Variants in SFTPC observed in about 807,000 individuals in gnomAD.
SFTPC encodes BRICHOS domain containing 6.
In SFTPC, 12 loss-of-function variants were observed where a neutral mutation model predicts 19.9. The ratio of observed to expected loss-of-function variants is 0.60; its 90% CI spans 0.39 to 0.98. The LOEUF (loss-of-function observed/expected upper bound fraction) is 0.98, where lower values mean the gene tolerates loss of function less well. Among genes scored for constraint, SFTPC ranks in the 50% least tolerant of loss-of-function variants. The pLI, the probability that SFTPC is intolerant of heterozygous loss-of-function variation, is 0.00. For synonymous variants in SFTPC, 123 were observed against 103.3 expected (o/e 1.19, Z -1.16); for missense variants, 219 against 252.2 (o/e 0.87, Z 0.89).
At chr8:22,158,202 A>G (rs1459521190), upstream of SFTPC, among the ~76,000 whole-genome samples, 2 of 152,084 alleles carry the variant, frequency 1.3e-5, no homozygotes, top group Non-Finnish European at 2.9e-5. Flanking sequence ...CTGTCCCCAG[A>G]CTCTGCCAGC....
At chr8:22,158,237 A>G (rs1227745332), upstream of SFTPC, among the ~76,000 whole-genome samples, 1 of 152,206 alleles carries the variant, frequency 6.6e-6, no homozygotes, top group Non-Finnish European at 1.5e-5. Context: ...TCTGAGCTTA[A>G]GTTGTGTTCT....
At chr8:22,161,341 TCA>T (rs2131810133), upstream of SFTPC, among the ~76,000 whole-genome samples, 1 of 152,316 alleles carries the variant, frequency 6.6e-6, no homozygotes, top group South Asian at 2.1e-4. Flanking sequence ...CAGAGTCCTC[TCA>T]GAGTCTACAG....
chr8:22,159,686 C>A (rs536140888), upstream of SFTPC: 1 of 856,128 alleles, frequency 1.2e-6, no homozygotes, highest in Non-Finnish European at 1.7e-6. Context: ...GAAAGAGATC[C>A]CTCTCCCAGC....
At chr8:22,159,471 C>T, upstream of SFTPC, 1 of 327,854 alleles carries the variant, frequency 3.1e-6, no homozygotes, top group Non-Finnish European at 6.0e-6. Context: ...TCTCCTTCTC[C>T]AAGGAACCCA....
At chr8:22,158,754 G>T (rs893125608), upstream of SFTPC, 5 of 152,216 alleles carry the variant, frequency 3.3e-5, no homozygotes, top group Admixed American at 2.0e-4. Context: ...GACTCACGCT[G>T]GGTCCCAGAG....
At position 22,164,247 on chromosome 8, in the gene SFTPC, A is replaced by G. The variant is rs1369614842; in HGVS notation, c.*19-19A>G. ...CCCTGATTCTCTCTGTCCATCCTCA[A>G]CATTCCTTTGCTTCACAGGGTCAGT... is the stretch of plus-strand genomic sequence containing the variant. On this transcript the variant is annotated intron_variant, in intron 5 of 5. Transcript: ENST00000679463. 2 of 1,536,100 alleles carry G rather than the reference A, an allele frequency of 1.3e-6. No homozygotes were observed. The highest frequency in any genetic ancestry group is 1.7e-6 in the Non-Finnish European group (2 of 1,146,884).
intron 2 of SFTPC, 148 bp from the exon 3 acceptor site, chr8:22,162,932 C>G: frequency 7.5e-7 from 1 of 1,340,942 alleles, no homozygotes; most frequent in Non-Finnish European, 1.1e-6. Context: ...GGACAGCCAG[C>G]TCCCTCCAGC....
At position 22,164,257 on chromosome 8, in the gene SFTPC, G is replaced by A; in HGVS notation, c.*19-9G>A. ...CTCTGTCCATCCTCAACATTCCTTT[G>A]CTTCACAGGGTCAGTGGAAGCCCCA... is the stretch of plus-strand genomic sequence containing the variant. On this transcript the variant is annotated splice_polypyrimidine_tract_variant and intron_variant, in intron 5 of 5. Transcript: ENST00000679463. 5 of 1,536,172 alleles carry A rather than the reference G, an allele frequency of 3.3e-6. No homozygotes were observed. The highest frequency in any genetic ancestry group is 2.4e-5 in the East Asian group (1 of 40,916).
chr8:22,159,835 C>A (rs1456209241), upstream of SFTPC: 1 of 1,289,490 alleles, frequency 7.8e-7, no homozygotes, highest in Admixed American at 2.3e-5. Context: ...CAGCTGCCCA[C>A]CTGGCTCAGG....
At chr8:22,163,725 G>A (rs1486937154) in intron 4 of SFTPC, 176 bp from the exon 5 acceptor site, 1 of 808,632 alleles carries the variant, frequency 1.2e-6, no homozygotes, top group South Asian at 1.4e-5. Flanking sequence ...CCAAGCTGCT[G>A]GGCTCAGCTG....
intron 3 of SFTPC, 87 bp from the exon 4 acceptor site, chr8:22,163,349 C>A (rs1360181854): frequency 2.0e-6 from 3 of 1,501,972 alleles, no homozygotes; most frequent in Middle Eastern, 1.7e-4. Flanking sequence ...ACTCCCGTGC[C>A]CAACCTAGAG....
chr8:22,159,601 A>C (rs574392480), upstream of SFTPC: 1 of 402,378 alleles, frequency 2.5e-6, no homozygotes, highest in East Asian at 7.3e-5. Flanking sequence ...GCCGCCACAG[A>C]GCTTGTGACA....
chr8:22,162,981 A>G (rs1346328955), intron 2 of SFTPC, 99 bp from the exon 3 acceptor site: 1 of 1,546,046 alleles, frequency 6.5e-7, no homozygotes, highest in Non-Finnish European at 8.8e-7. Context: ...CTTGGGAAAG[A>G]GGGAAGCGCA....
At chr8:22,161,484 G>A (rs1827716405), upstream of SFTPC, among the ~76,000 whole-genome samples, 1 of 152,186 alleles carries the variant, frequency 6.6e-6, no homozygotes, top group South Asian at 2.1e-4. Context: ...AAGCCACAGG[G>A]CAGCAGGGGC....
chr8:22,157,873 T>G (rs545495601), upstream of SFTPC, among the ~76,000 whole-genome samples: 186 of 152,366 alleles, frequency 1.2e-3, 2 homozygotes, highest in Admixed American at 5.2e-4. Context: ...TATATTGGGT[T>G]TATTACTGAT....
chr8:22,163,359 G>C, intron 3 of SFTPC, 77 bp from the exon 4 acceptor site: 3 of 1,505,022 alleles, frequency 2.0e-6, no homozygotes, highest in Non-Finnish European at 2.8e-6. Flanking sequence ...CCAACCTAGA[G>C]GGAGGTGGCT....
At chr8:22,161,991 G>A in intron 1 of SFTPC, 121 bp downstream of exon 1, 1 of 1,046,398 alleles carries the variant, frequency 9.6e-7, no homozygotes. Flanking sequence ...ACTAACCTAG[G>A]ACTGTGATAA....
upstream of SFTPC, chr8:22,159,494 G>A (rs1473139105): frequency 3.2e-5 from 11 of 341,208 alleles, no homozygotes; most frequent in Non-Finnish European, 5.8e-6. Context: ...ACCTTCACTT[G>A]GTTGGTGTGA....
chr8:22,162,290 A>G (rs965457662), intron 1 of SFTPC, among the ~76,000 whole-genome samples: 2 of 152,128 alleles, frequency 1.3e-5, no homozygotes, highest in Non-Finnish European at 2.9e-5. Context: ...AGAGGGGCTG[A>G]CCATGGCTGG....
Sources: gnomAD v4.1 joint callset for allele counts (sites outside exome capture counted in the v4.1 genomes callset) on GRCh38, gnomAD v4.1.1 for gene constraint, MANE v1.5 for transcripts, NCBI Gene and HGNC (gene_info 2026-07-23, HGNC 2026-07-21) for gene names.